PTK2: variants seen among roughly 807,000 people sequenced by gnomAD.
PTK2 encodes the protein protein tyrosine kinase 2, also known as focal adhesion kinase 1.
PTK2 carries 45 observed loss-of-function variants against 150.1 expected under a neutral mutation model. The ratio of observed to expected loss-of-function variants is 0.30; its 90% CI spans 0.24 to 0.38. The LOEUF is 0.38. Ranked by LOEUF, PTK2 falls within the 10% of genes least tolerant of loss-of-function variation. The probability of loss-of-function intolerance (pLI) is 1.00; values close to 1 mark genes in which losing one functional copy is unlikely to be tolerated. For synonymous variants in PTK2, 432 were observed against 449.2 expected, an observed-to-expected ratio of 0.96 and a Z score of 0.48; for missense variants, 919 against 1,307.3, an observed-to-expected ratio of 0.70 and a Z score of 4.58.
chr8:140,910,789 C>A (rs1253204596), intron 2 of PTK2, among the ~76,000 whole-genome samples: 1 of 152,134 alleles, frequency 6.6e-6, no homozygotes, highest in Non-Finnish European at 1.5e-5. Flanking sequence ...TCTCCAAAAC[C>A]ATCTGCCCCA....
At chr8:140,665,142 A>T in intron 30 of PTK2, 145 bp from the exon 35 acceptor site, 1 of 695,330 alleles carries the variant, frequency 1.4e-6, no homozygotes, top group East Asian at 2.7e-5. Context: ...CTATCTTGTA[A>T]GTTATGAGGC....
At chr8:140,678,325 G>A (rs2100015016) in intron 27 of PTK2, among the ~76,000 whole-genome samples, 1 of 152,220 alleles carries the variant, frequency 6.6e-6, no homozygotes, top group South Asian at 2.1e-4. Flanking sequence ...TGGGATTACA[G>A]GCGTGAGCCA....
intron 22 of PTK2, among the ~76,000 whole-genome samples, chr8:140,719,236 A>T (rs2100041430): frequency 6.6e-6 from 1 of 151,926 alleles, no homozygotes; most frequent in Non-Finnish European, 1.5e-5. Context: ...CAAAAGTCCC[A>T]CTCCATTCTC....
upstream of PTK2, among the ~76,000 whole-genome samples, chr8:141,001,796 A>G (rs1001469176): frequency 6.6e-6 from 1 of 151,874 alleles, no homozygotes; most frequent in Admixed American, 6.5e-5. Context: ...CACCACACCG[A>G]CCCTAACGAG....
intron 10 of PTK2, among the ~76,000 whole-genome samples, chr8:140,815,960 C>T (rs1017317654): frequency 2.0e-5 from 3 of 151,956 alleles, no homozygotes; most frequent in African/African-American, 7.2e-5. Flanking sequence ...AAATCTAAAA[C>T]AAAATAGGAA....
intron 10 of PTK2, among the ~76,000 whole-genome samples, chr8:140,815,070 G>A (rs931194021): frequency 6.6e-5 from 10 of 152,024 alleles, no homozygotes; most frequent in Non-Finnish European, 1.0e-4. Flanking sequence ...CACCGCGCCC[G>A]GCCAAATTGT....
chr8:140,894,570 A>C (rs1287325714), intron 2 of PTK2, among the ~76,000 whole-genome samples: 1 of 152,248 alleles, frequency 6.6e-6, no homozygotes, highest in Non-Finnish European at 1.5e-5. Flanking sequence ...AGGAAAGAAG[A>C]AGAGCCCTAT....
intron 27 of PTK2, among the ~76,000 whole-genome samples, chr8:140,684,582 T>A (rs1256463184): frequency 6.6e-6 from 1 of 152,184 alleles, no homozygotes; most frequent in Non-Finnish European, 1.5e-5. Context: ...TCCAGTTGAG[T>A]GCCGAATCAA....
intron 1 of PTK2, among the ~76,000 whole-genome samples, chr8:140,930,464 C>A (rs1039236451): frequency 6.6e-6 from 1 of 152,128 alleles, no homozygotes; most frequent in Non-Finnish European, 1.5e-5. Flanking sequence ...AAAACATAGA[C>A]AACTGATGCT....
At chr8:140,823,446 G>T (rs953599152) in intron 8 of PTK2, among the ~76,000 whole-genome samples, 8 of 149,882 alleles carry the variant, frequency 5.3e-5, no homozygotes, top group Non-Finnish European at 8.9e-5. Flanking sequence ...GGAGATAGAA[G>T]TCGAGGAAAC....
At chr8:140,980,174 A>C (rs533157853) in intron 1 of PTK2, among the ~76,000 whole-genome samples, 121 of 152,368 alleles carry the variant, frequency 7.9e-4, no homozygotes, top group African/African-American at 2.7e-3. Flanking sequence ...GACTGCAAGC[A>C]AACCAACTGC....
intron 23 of PTK2, among the ~76,000 whole-genome samples, chr8:140,712,977 T>C (rs2100037632): frequency 6.6e-6 from 1 of 152,188 alleles, no homozygotes; most frequent in South Asian, 2.1e-4. Flanking sequence ...TGGTCTTCCA[T>C]GAAAAAAAGT....
At chr8:140,773,570 T>C (rs1476628821) in intron 14 of PTK2, among the ~76,000 whole-genome samples, 1 of 152,062 alleles carries the variant, frequency 6.6e-6, no homozygotes, top group Non-Finnish European at 1.5e-5. Context: ...ACACAGGCCT[T>C]GGCTCTGCAG....
intron 22 of PTK2, chr8:140,734,559 A>G (rs941944743): frequency 2.8e-6 from 1 of 354,248 alleles, no homozygotes; most frequent in Non-Finnish European, 5.6e-6. Flanking sequence ...GAGTATGCAC[A>G]TGCTTCTCTG....
chr8:140,937,440 T>G (rs571039790), intron 1 of PTK2, among the ~76,000 whole-genome samples: 2 of 152,108 alleles, frequency 1.3e-5, no homozygotes, highest in African/African-American at 4.8e-5. Context: ...TAAGTATATA[T>G]AAAGCCTGGA....
At chr8:140,773,989 G>A (rs1417365120) in intron 14 of PTK2, among the ~76,000 whole-genome samples, 3 of 152,090 alleles carry the variant, frequency 2.0e-5, no homozygotes, top group African/African-American at 7.2e-5. Context: ...AGGCTGCTCT[G>A]AGCAGCTTTT....
chr8:140,750,959 C>T (rs2100062280), intron 17 of PTK2, among the ~76,000 whole-genome samples: 1 of 151,968 alleles, frequency 6.6e-6, no homozygotes. Flanking sequence ...AACAAAAATA[C>T]AAAAAATTAG....
chr8:140,799,478 C>T (rs1420909940), intron 12 of PTK2, among the ~76,000 whole-genome samples: 1 of 152,210 alleles, frequency 6.6e-6, no homozygotes, highest in Non-Finnish European at 1.5e-5. Flanking sequence ...TTCAGAGTCC[C>T]CACTTCCACA....
intron 1 of PTK2, among the ~76,000 whole-genome samples, chr8:140,990,075 T>C (rs988819819): frequency 3.3e-5 from 5 of 152,112 alleles, no homozygotes; most frequent in African/African-American, 9.7e-5. Context: ...TGGTCAATGA[T>C]TGGAGCCTAA....
Sources: gnomAD v4.1 joint callset for allele counts (sites outside exome capture counted in the v4.1 genomes callset) on GRCh38, gnomAD v4.1.1 for gene constraint, MANE v1.5 for transcripts, NCBI Gene and HGNC (gene_info 2026-07-23, HGNC 2026-07-21) for gene names.